Variants in C11orf54 observed in about 807,000 individuals in gnomAD.
C11orf54 encodes the protein beta-keto L-gulonate decarboxylase.
C11orf54 carries 29 observed loss-of-function variants against 35.5 expected under a neutral mutation model. The ratio of observed to expected loss-of-function variants is 0.82; its 90% CI spans 0.61 to 1.11. The LOEUF (loss-of-function observed/expected upper bound fraction) is 1.11, where lower values mean the gene tolerates loss of function less well. Among genes scored for constraint, C11orf54 ranks in the 50% most tolerant of loss-of-function variants. The probability of loss-of-function intolerance (pLI) is 0.00; values close to 1 mark genes in which losing one functional copy is unlikely to be tolerated. For missense variants in C11orf54, 373 were observed against 369.2 expected, an observed-to-expected ratio of 1.01 and a Z score of -0.08; for synonymous variants, 108 against 121.1, an observed-to-expected ratio of 0.89 and a Z score of 0.71.
At chr11:93,743,482 G>C (rs1358120268) in intron 1 of C11orf54, among the ~76,000 whole-genome samples, 1 of 152,146 alleles carries the variant, frequency 6.6e-6, no homozygotes, top group Non-Finnish European at 1.5e-5. Context: ...TGAATGAGGC[G>C]GGAACTGGAG....
intron 1 of C11orf54, chr11:93,742,813 T>A (rs897043989): frequency 1.3e-5 from 2 of 152,160 alleles, no homozygotes; most frequent in Non-Finnish European, 2.9e-5. Flanking sequence ...CCAGGACTGG[T>A]ATGGCATGTC....
chr11:93,742,330 C>A (rs1378130639), intron 1 of C11orf54, among the ~76,000 whole-genome samples: 1 of 151,398 alleles, frequency 6.6e-6, no homozygotes, highest in Admixed American at 6.6e-5. Context: ...GTTGCCCAGG[C>A]TGGAGTGCAA....
chr11:93,747,558 A>ACTTAT (rs1480176915), intron 2 of C11orf54, 110 bp downstream of exon 2: 4 of 587,812 alleles, frequency 6.8e-6, no homozygotes, highest in Admixed American at 8.0e-5. Flanking sequence ...TCTATATCTT[A>ACTTAT]CTTATCAAAA....
At chr11:93,748,835 CAAA>C (rs35878883) in intron 2 of C11orf54, among the ~76,000 whole-genome samples, 5 of 138,070 alleles carry the variant, frequency 3.6e-5, no homozygotes, top group Admixed American at 7.2e-5. Flanking sequence ...GACTCAGTCT[CAAA>C]AAAAAAAAAA....
intron 7 of C11orf54, among the ~76,000 whole-genome samples, chr11:93,758,160 G>A (rs1414800513): frequency 6.6e-6 from 1 of 152,186 alleles, no homozygotes; most frequent in Non-Finnish European, 1.5e-5. Flanking sequence ...TCTCTGGAGC[G>A]GCTGCAGCAG....
intron 8 of C11orf54, among the ~76,000 whole-genome samples, chr11:93,760,230 C>T (rs1289710222): frequency 6.6e-6 from 1 of 152,126 alleles, no homozygotes; most frequent in East Asian, 1.9e-4. Flanking sequence ...CAAGCATGAG[C>T]CACCATGCCC....
intron 7 of C11orf54, among the ~76,000 whole-genome samples, chr11:93,759,059 T>C (rs973836529): frequency 6.6e-6 from 1 of 152,212 alleles, no homozygotes; most frequent in African/African-American, 2.4e-5. Context: ...ACACTGTTGG[T>C]GGGAGTGTAA....
chr11:93,754,151 T>G (rs1943000561), intron 5 of C11orf54, 114 bp downstream of exon 5: 6 of 843,136 alleles, frequency 7.1e-6, no homozygotes, highest in Non-Finnish European at 1.2e-5. Context: ...TCTCTGCAGG[T>G]TTGATACTAC....
chr11:93,747,591 A>G (rs1308281657), intron 2 of C11orf54, 143 bp downstream of exon 2: 2 of 472,794 alleles, frequency 4.2e-6, no homozygotes, highest in Non-Finnish European at 6.9e-6. Flanking sequence ...TACAGAATTC[A>G]TTTTCCATTT....
chr11:93,744,905 G>A (rs1049637040), intron 1 of C11orf54, among the ~76,000 whole-genome samples: 9 of 152,324 alleles, frequency 5.9e-5, no homozygotes, highest in African/African-American at 1.9e-4. Flanking sequence ...AGGGAACTGC[G>A]GTGGGAGAAC....
intron 1 of C11orf54, among the ~76,000 whole-genome samples, chr11:93,742,377 G>A (rs1167404670): frequency 6.6e-6 from 1 of 151,436 alleles, no homozygotes; most frequent in African/African-American, 2.4e-5. Context: ...TCTGCTTCCC[G>A]GGTTCAAGCG....
chr11:93,742,849 C>T (rs1463074450), intron 1 of C11orf54: 1 of 152,112 alleles, frequency 6.6e-6, no homozygotes. Flanking sequence ...CAGCAGCAAG[C>T]CTAGCTGTGT....
chr11:93,760,895 G>A (rs1943430658), intron 8 of C11orf54, among the ~76,000 whole-genome samples: 1 of 152,080 alleles, frequency 6.6e-6, no homozygotes, highest in Admixed American at 6.6e-5. Flanking sequence ...CTGACCTCAA[G>A]TGATCCGCCC....
rs1942525694 is a variant in C11orf54 at position 93,747,322 on chromosome 11, G to A, written c.-72G>A. On this transcript the variant is annotated 5_prime_UTR_variant, in exon 2 of 9. Transcript: ENST00000354421. ...AACAGAAACTGTTCATACTTGGTGC[G>A]CTGTGGACTCTTGTGATAATTAACC... 6 of 1,189,034 alleles carry A rather than the reference G, an allele frequency of 5.0e-6. No homozygotes were observed. The highest frequency in any genetic ancestry group is 2.8e-5 in the South Asian group (2 of 70,292). The allele number at this position is 1,189,034 out of a possible 1,614,324, so 73.7% of individuals were successfully genotyped here.
chr11:93,741,779 C>T (rs114920604), intron 1 of C11orf54, 51 bp downstream of exon 1: 143 of 305,636 alleles, frequency 4.7e-4, no homozygotes, highest in African/African-American at 2.9e-3. Flanking sequence ...ACAAAACGTG[C>T]GGTCACTTGT....
Position 93,750,328 on chromosome 11 carries a change from A to C in C11orf54, c.56-18A>C. ...TTTTTACCTAATGTTAAATAATCTT[A>C]TTCCTTGTCTTTATTAGTTATGCAG... On this transcript the variant is annotated intron_variant, in intron 2 of 8. Coordinates refer to ENST00000354421, the MANE Select transcript of C11orf54 (RefSeq NM_001286069.2). The C allele has an allele frequency of 6.2e-7, 1 of 1,604,600 alleles. No individual in the cohort carries two copies. The highest frequency in any genetic ancestry group is 8.5e-7 in the Non-Finnish European group (1 of 1,172,178).
At chr11:93,749,387 T>G (rs1942681312) in intron 2 of C11orf54, among the ~76,000 whole-genome samples, 1 of 148,478 alleles carries the variant, frequency 6.7e-6, no homozygotes, top group African/African-American at 2.5e-5. Flanking sequence ...GAGTTTGAGG[T>G]GGGAGGATTA....
rs191941047 is a variant in C11orf54, at chr11:93,752,136, C to T, written c.155-1546C>T. Among the ~76,000 whole-genome samples, 664 of 152,174 alleles carry T rather than the reference C, an allele frequency of 4.4e-3. 7 individuals carry two copies. Among genetic ancestry groups the T allele is most frequent in the Middle Eastern group, 0.02 (6 of 294 alleles). ...TGCTGGGATTACAGGTGTGAGCCAT[C>T]ATGCCCAGCCAAAATGGTTAGTCTT... On this transcript the variant is annotated intron_variant, in intron 3 of 8. Coordinates refer to ENST00000354421, the MANE Select transcript of C11orf54 (RefSeq NM_001286069.2).
intron 7 of C11orf54, among the ~76,000 whole-genome samples, chr11:93,758,734 C>T (rs1227730686): frequency 1.3e-5 from 2 of 152,252 alleles, no homozygotes; most frequent in African/African-American, 4.8e-5. Flanking sequence ...AGCTGAGCGG[C>T]GGCTGAGAGC....
Sources: allele counts gnomAD v4.1 joint callset (sites outside exome capture counted in the v4.1 genomes callset), GRCh38; gene constraint gnomAD v4.1.1; transcripts MANE v1.5; gene names NCBI Gene and HGNC (gene_info 2026-07-23, HGNC 2026-07-21).